NUBPL: variants seen among roughly 807,000 people sequenced by gnomAD.
The protein encoded by NUBPL is NUBP iron-sulfur cluster assembly factor, mitochondrial.
NUBPL carries 31 observed loss-of-function variants against 45.7 expected under a neutral mutation model. That is an observed-to-expected ratio of 0.68 (90% CI 0.51 to 0.92). NUBPL has a LOEUF of 0.92. Ranked by LOEUF, NUBPL falls within the 40% of genes least tolerant of loss-of-function variation. The pLI is 0.00. For synonymous variants in NUBPL, 144 were observed against 140.9 expected (o/e 1.02, Z -0.15); for missense variants, 401 against 398.7 (o/e 1.01, Z -0.05).
At chr14:31,801,754 A>C (rs1367027575) in intron 7 of NUBPL, among the ~76,000 whole-genome samples, 1 of 152,192 alleles carries the variant, frequency 6.6e-6, no homozygotes, top group African/African-American at 2.4e-5. Context: ...GAAGGGACAA[A>C]GACTGAGCAA....
chr14:31,749,873 G>A (rs1014595190), intron 6 of NUBPL, among the ~76,000 whole-genome samples: 4 of 152,062 alleles, frequency 2.6e-5, no homozygotes, highest in Non-Finnish European at 5.9e-5. Flanking sequence ...CATAAGTCCT[G>A]TAGGTGTTCT....
chr14:31,652,389 T>C (rs2036030626), intron 4 of NUBPL, among the ~76,000 whole-genome samples: 1 of 152,192 alleles, frequency 6.6e-6, no homozygotes, highest in Non-Finnish European at 1.5e-5. Context: ...GTGGGGACTG[T>C]AGTTAAAATA....
At chr14:31,721,733 C>T (rs1388087303) in intron 6 of NUBPL, among the ~76,000 whole-genome samples, 3 of 151,928 alleles carry the variant, frequency 2.0e-5, no homozygotes, top group Non-Finnish European at 2.9e-5. Context: ...GTACTAAGCC[C>T]AGTACCCAAC....
Position 31,859,191 on chromosome 14 carries a change from G to A in NUBPL, c.*11G>A. The stretch of plus-strand genomic sequence containing the variant: ...TCACCTTCAGAATGATTCCCCAAGT[G>A]TCCTGGAAATTTGCCTGGTACTGAC... On this transcript the variant is annotated 3_prime_UTR_variant, in exon 11 of 11. Transcript: ENST00000281081. 2 of 1,612,634 alleles carry A rather than the reference G, an allele frequency of 1.2e-6. No individual in the cohort carries two copies. The highest frequency in any genetic ancestry group is 4.5e-5 in the East Asian group (2 of 44,790).
intron 6 of NUBPL, among the ~76,000 whole-genome samples, chr14:31,762,850 A>T (rs1275474485): frequency 6.6e-6 from 1 of 151,992 alleles, no homozygotes; most frequent in African/African-American, 2.4e-5. Flanking sequence ...TGACTTTCAG[A>T]TTCATAGATA....
At chr14:31,637,932 A>T (rs576304736) in intron 4 of NUBPL, among the ~76,000 whole-genome samples, 89 of 151,706 alleles carry the variant, frequency 5.9e-4, no homozygotes, top group South Asian at 2.7e-3. Flanking sequence ...TTTATTTTCC[A>T]TTTGCTTGGT....
chr14:31,562,165 T>G lies in NUBPL; in HGVS notation c.206T>G (p.Val69Gly), dbSNP rs2139436342. 1 of 1,614,064 alleles carries G rather than the reference T, an allele frequency of 6.2e-7. No individual in the cohort carries two copies. The highest frequency in any genetic ancestry group is 2.2e-5 in the East Asian group (1 of 44,870). The change falls in exon 2 of 11, where the codon GTT (valine) becomes GGT (glycine). Residue 69 changes from valine (V) to glycine (G), a missense_variant. Coordinates refer to ENST00000281081, the MANE Select transcript of NUBPL (RefSeq NM_025152.3). ...AAACCGATAGAAGGTGTTAAACAAG[T>G]TATAGTTGTGGCTTCTGGAAAGGGT... is the stretch of plus-strand genomic sequence containing the variant. ...KQKPIEGVKQ[V>G]IVVASGKGGV...
At chr14:31,777,646 G>A (rs2039120015) in intron 6 of NUBPL, among the ~76,000 whole-genome samples, 1 of 152,192 alleles carries the variant, frequency 6.6e-6, no homozygotes, top group Admixed American at 6.5e-5. Context: ...GAAAACGTCT[G>A]GACATTGGAA....
chr14:31,826,164 A>C (rs2138966108), intron 7 of NUBPL, among the ~76,000 whole-genome samples: 1 of 152,016 alleles, frequency 6.6e-6, no homozygotes, highest in Non-Finnish European at 1.5e-5. Flanking sequence ...TCTGTCACCC[A>C]GGCTGGAAGG....
intron 6 of NUBPL, among the ~76,000 whole-genome samples, chr14:31,767,670 G>C (rs756000894): frequency 6.6e-6 from 1 of 152,122 alleles, no homozygotes; most frequent in Non-Finnish European, 1.5e-5. Context: ...TTAGCCACTA[G>C]ACCACAGGGT....
intron 6 of NUBPL, among the ~76,000 whole-genome samples, chr14:31,725,834 C>T (rs542820248): frequency 6.6e-6 from 1 of 151,224 alleles, no homozygotes; most frequent in East Asian, 2.0e-4. Context: ...CTCAGCCTCC[C>T]AAGTAGCTGG....
intron 6 of NUBPL, among the ~76,000 whole-genome samples, chr14:31,677,649 C>G (rs374548076): frequency 2.0e-5 from 3 of 152,168 alleles, no homozygotes; most frequent in East Asian, 3.9e-4. Flanking sequence ...TTACTTTCTC[C>G]CAAACAAACA....
intron 4 of NUBPL, among the ~76,000 whole-genome samples, chr14:31,662,707 CAT>C (rs2036304190): frequency 6.6e-6 from 1 of 152,178 alleles, no homozygotes; most frequent in Non-Finnish European, 1.5e-5. Context: ...TCCAGTCCAT[CAT>C]TGATGGGCAT....
intron 3 of NUBPL, among the ~76,000 whole-genome samples, chr14:31,568,289 A>G (rs1340947601): frequency 6.6e-6 from 1 of 152,200 alleles, no homozygotes; most frequent in African/African-American, 2.4e-5. Context: ...ATGTGAAGTA[A>G]CTATGTAATA....
At chr14:31,611,963 A>T (rs141593840) in intron 4 of NUBPL, among the ~76,000 whole-genome samples, 14 of 152,350 alleles carry the variant, frequency 9.2e-5, no homozygotes, top group African/African-American at 3.1e-4. Flanking sequence ...CTGTGAAGCT[A>T]CTAAAAGAAA....
intron 8 of NUBPL, among the ~76,000 whole-genome samples, chr14:31,833,441 C>T (rs1217457793): frequency 6.6e-6 from 1 of 151,734 alleles, no homozygotes; most frequent in Non-Finnish European, 1.5e-5. Flanking sequence ...TGAGTATATT[C>T]ATTGAGCCAT....
intron 8 of NUBPL, among the ~76,000 whole-genome samples, chr14:31,840,968 G>T (rs116418123): frequency 6.6e-6 from 1 of 152,070 alleles, no homozygotes; most frequent in African/African-American, 2.4e-5. Context: ...TTGTGTGTCC[G>T]GTTTATTTTG....
chr14:31,709,355 C>T (rs1345976874), intron 6 of NUBPL, among the ~76,000 whole-genome samples: 1 of 152,202 alleles, frequency 6.6e-6, no homozygotes, highest in African/African-American at 2.4e-5. Flanking sequence ...TTTCCTAATT[C>T]TCCTTAGTCC....
rs147699444 is a variant in NUBPL at position 31,760,126 on chromosome 14, A to AGT, written c.514-27636_514-27635dup. Reference sequence around the variant, plus strand: ...CTATTACTCTATTACTTCTGACTTTAGTGTGTGTGTGTGTGTGTGAGAGAG... The same window carrying AGT: ...CTATTACTCTATTACTTCTGACTTTAGTGTGTGTGTGTGTGTGTGTGAGAGAG... On this transcript the variant is annotated intron_variant, in intron 6 of 10. Coordinates refer to ENST00000281081, the MANE Select transcript of NUBPL (RefSeq NM_025152.3). 7.4e-4 allele frequency among the ~76,000 whole-genome samples: 22 copies of AGT among 29,836 alleles called. 1 individual carries two copies. Among genetic ancestry groups the AGT allele is most frequent in the African/African-American group, 1.9e-3 (15 of 7,992 alleles). The allele number at this position is 29,836 out of a possible 152,430, so 19.6% of individuals were successfully genotyped here. A position where few individuals can be genotyped will look rare whatever the true frequency, so the allele number is the denominator to read the frequency against.
Sources: gnomAD v4.1 joint callset for allele counts (sites outside exome capture counted in the v4.1 genomes callset) on GRCh38, gnomAD v4.1.1 for gene constraint, MANE v1.5 for transcripts, NCBI Gene and HGNC (gene_info 2026-07-23, HGNC 2026-07-21) for gene names.